CNKSR2: variants seen among roughly 807,000 people sequenced by gnomAD.
CNKSR2 encodes the protein CNK homolog protein 2.
A neutral mutation model predicts 84.4 loss-of-function variants in CNKSR2; 14 were observed. The observed-to-expected ratio is 0.17, with a 90% CI of 0.11 to 0.26. CNKSR2 has a LOEUF of 0.26. CNKSR2 is among the 10% of genes least tolerant of loss of function. The probability of loss-of-function intolerance (pLI) is 1.00; values close to 1 mark genes in which losing one functional copy is unlikely to be tolerated. For synonymous variants in CNKSR2, 275 were observed against 277.9 expected, an observed-to-expected ratio of 0.99 and a Z score of 0.10; for missense variants, 485 against 771.2, an observed-to-expected ratio of 0.63 and a Z score of 4.40.
At chrX:21,384,372 C>G (rs1457170890) in intron 1 of CNKSR2, among the ~76,000 whole-genome samples, 1 of 112,140 alleles carries the variant, frequency 8.9e-6, no homozygotes, top group Non-Finnish European at 1.9e-5. Flanking sequence ...GAAGCCTGCT[C>G]TGTTGCCTTC....
intron 11 of CNKSR2, among the ~76,000 whole-genome samples, chrX:21,557,508 A>G (rs2092150204): frequency 9.0e-6 from 1 of 111,119 alleles, no homozygotes; most frequent in African/African-American, 3.3e-5. Context: ...TTCTGCCTCT[A>G]TGGAGACACC....
intron 1 of CNKSR2, among the ~76,000 whole-genome samples, chrX:21,379,376 T>C (rs2089865530): frequency 8.9e-6 from 1 of 112,444 alleles, no homozygotes; most frequent in Non-Finnish European, 1.9e-5. Context: ...TATCACTTCC[T>C]TTTGAAAACT....
rs140147252 is a variant in CNKSR2 at position 21,511,772 on chromosome X, C to G, written c.811-4713C>G. On this transcript the variant is annotated intron_variant, in intron 8 of 21. Coordinates refer to ENST00000379510, the MANE Select transcript of CNKSR2 (RefSeq NM_014927.5). ...TCTGAACTCTGTGTGTTTCTCCTGC[C>G]TCATTACTCCTTCCCTTGTTCTGTC... Among the ~76,000 whole-genome samples, 575 of 111,539 alleles carry G rather than the reference C, an allele frequency of 5.2e-3. 3 individuals are homozygous for G. Among genetic ancestry groups the G allele is most frequent in the African/African-American group, 0.018 (558 of 30,739 alleles).
intron 20 of CNKSR2, chrX:21,643,833 A>G (rs1033530531): frequency 9.0e-6 from 1 of 111,197 alleles, no homozygotes. Context: ...CCCCAAACCC[A>G]GTTTTATAAT....
chrX:21,426,447 T>C, intron 1 of CNKSR2, 50 bp from the exon 2 acceptor site: 1 of 1,116,466 alleles, frequency 9.0e-7, no homozygotes, highest in Non-Finnish European at 1.2e-6. Context: ...TTCACATTTA[T>C]TTGGTTTGAC....
intron 20 of CNKSR2, chrX:21,644,265 G>A (rs1436896509): frequency 8.9e-6 from 1 of 111,784 alleles, no homozygotes; most frequent in Non-Finnish European, 1.9e-5. Flanking sequence ...TATTGCAGAA[G>A]GAACAACTGT....
At chrX:21,649,121 G>A (rs2092714608) in intron 21 of CNKSR2, 94 bp downstream of exon 21, 1 of 639,098 alleles carries the variant, frequency 1.6e-6, no homozygotes, top group South Asian at 3.3e-5. Flanking sequence ...CAAATTGGGG[G>A]CTGGGGAGAA....
Position 21,609,302 on chromosome X carries a change from G to A in CNKSR2, c.2377G>A (p.Val793Ile). 1.7e-6 allele frequency: 2 copies of A among 1,211,743 alleles called. No individual in the cohort carries two copies. The highest frequency in any genetic ancestry group is 2.2e-6 in the Non-Finnish European group (2 of 895,529). Reference protein sequence around the residue: ...YLQTLPLEDSVFSDSAAISPE... With the variant: ...YLQTLPLEDSIFSDSAAISPE... Reference sequence around the variant, plus strand: ...TCAGACTCTGCCCCTGGAGGATTCTGTCTTCTCTGACTCCGCGGCCATCTC... The same window carrying A: ...TCAGACTCTGCCCCTGGAGGATTCTATCTTCTCTGACTCCGCGGCCATCTC... Residue 793 changes from valine to isoleucine, a missense_variant, in exon 20 of 22, where the codon GTC (valine) becomes ATC (isoleucine). Physicochemically the swap from Val to Ile is conservative, Grantham distance 29. This residue lies in a region of CNKSR2 where 210 missense variants were observed against 291.5 expected (regional missense o/e 0.72). Coordinates refer to ENST00000379510, the MANE Select transcript of CNKSR2 (RefSeq NM_014927.5).
At chrX:21,508,406 A>G (rs1462204141) in intron 8 of CNKSR2, among the ~76,000 whole-genome samples, 1 of 112,167 alleles carries the variant, frequency 8.9e-6, no homozygotes, top group African/African-American at 3.2e-5. Flanking sequence ...GTTCTACAGT[A>G]TGATCAGAGG....
At chrX:21,587,191 A>G (rs1477147125) in intron 13 of CNKSR2, among the ~76,000 whole-genome samples, 1 of 111,795 alleles carries the variant, frequency 8.9e-6, no homozygotes, top group East Asian at 2.8e-4. Context: ...TAGATGCAAA[A>G]AGAAAATAAA....
intron 4 of CNKSR2, 74 bp from the exon 5 acceptor site, chrX:21,470,692 A>G (rs2091186534): frequency 1.1e-5 from 6 of 529,506 alleles, no homozygotes; most frequent in Non-Finnish European, 1.8e-5. Context: ...AAATTATAGT[A>G]TAATTTCTAA....
intron 13 of CNKSR2, among the ~76,000 whole-genome samples, chrX:21,564,761 T>C (rs746832848): frequency 9.0e-6 from 1 of 110,673 alleles, no homozygotes; most frequent in Non-Finnish European, 1.9e-5. Context: ...AATGTTTTTT[T>C]TTTTGGACTA....
At chrX:21,455,919 T>A (rs1470079005) in intron 4 of CNKSR2, among the ~76,000 whole-genome samples, 1 of 111,559 alleles carries the variant, frequency 9.0e-6, no homozygotes, top group Non-Finnish European at 1.9e-5. Flanking sequence ...TCTGGATAAC[T>A]CCTGTTTATT....
At chrX:21,427,646 C>A (rs1233950572) in intron 2 of CNKSR2, 1 of 112,186 alleles carries the variant, frequency 8.9e-6, no homozygotes, top group Non-Finnish European at 1.9e-5. Flanking sequence ...ACTGGCCTTT[C>A]TACATTTTCC....
intron 5 of CNKSR2, among the ~76,000 whole-genome samples, chrX:21,476,545 G>C (rs1601838541): frequency 9.0e-6 from 1 of 111,273 alleles, no homozygotes; most frequent in African/African-American, 3.3e-5. Context: ...AAATTGGAGA[G>C]AGTCTTTCTG....
At chrX:21,454,244 T>G (rs2090970737) in intron 4 of CNKSR2, among the ~76,000 whole-genome samples, 1 of 111,747 alleles carries the variant, frequency 8.9e-6, no homozygotes. Flanking sequence ...CACCATATTA[T>G]TCACAATAAA....
rs746261955 is a variant in CNKSR2 at position 21,514,526 on chromosome X, A to C, written c.811-1959A>C. Among the ~76,000 whole-genome samples the C allele has an allele frequency of 3.6e-5, 4 of 111,993 alleles. No individual in the cohort carries two copies. In the South Asian group the frequency reaches 1.5e-3, roughly 41 times the overall value. ...GAATTGTTACTTAAAAAGAGCATGT[A>C]GAAAGTGTGAAAGAATAGGATGAAT... On this transcript the variant is annotated intron_variant, in intron 8 of 21. Transcript: ENST00000379510.
intron 5 of CNKSR2, among the ~76,000 whole-genome samples, chrX:21,485,490 T>C (rs932628296): frequency 1.5e-4 from 17 of 110,838 alleles, no homozygotes; most frequent in Admixed American, 1.9e-4. Flanking sequence ...TGCAGATAGA[T>C]AGTATAGAAC....
intron 13 of CNKSR2, among the ~76,000 whole-genome samples, chrX:21,566,015 C>T (rs1331105258): frequency 8.9e-6 from 1 of 111,935 alleles, no homozygotes; most frequent in African/African-American, 3.2e-5. Flanking sequence ...CTCCAGGGGT[C>T]TTTCCGCACT....
Sources: allele counts gnomAD v4.1 joint callset (sites outside exome capture counted in the v4.1 genomes callset), GRCh38; gene constraint gnomAD v4.1.1; regional missense constraint gnomAD v4.1.1; transcripts MANE v1.5; gene names NCBI Gene and HGNC (gene_info 2026-07-23, HGNC 2026-07-21).